LOC400499: variants seen among roughly 807,000 people sequenced by gnomAD.
chr16:11,519,987 G>C, the LOC400499 span, among the ~76,000 whole-genome samples: 655 of 152,266 alleles, frequency 4.3e-3, 3 homozygotes, highest in African/African-American at 0.015. Flanking sequence ...ACAGGCATGA[G>C]CCACCGCGCC....
chr16:11,414,471 C>T, the LOC400499 span: 1 of 400,200 alleles, frequency 2.5e-6, no homozygotes, highest in East Asian at 3.6e-5. Context: ...CTCCACTGTC[C>T]CCACCATGGA....
chr16:11,460,565 A>G, the LOC400499 span: 1 of 1,535,498 alleles, frequency 6.5e-7, no homozygotes, highest in South Asian at 1.2e-5. Context: ...GTCTGCCCGC[A>G]GCTTCTGGCT....
the LOC400499 span, chr16:11,443,328 C>T: frequency 3.8e-6 from 1 of 265,790 alleles, no homozygotes. Context: ...GATCCTCAGT[C>T]TCAAAAAAAA....
the LOC400499 span, among the ~76,000 whole-genome samples, chr16:11,409,260 CA>C: frequency 6.7e-6 from 1 of 149,456 alleles, no homozygotes; most frequent in Non-Finnish European, 1.5e-5. Flanking sequence ...AACTTCATCT[CA>C]AAAAAAGAAA....
the LOC400499 span, chr16:11,471,936 G>C: frequency 5.0e-6 from 2 of 397,662 alleles, no homozygotes; most frequent in South Asian, 1.4e-4. Flanking sequence ...TCTGAGGAAA[G>C]GCACCATGTA....
At chr16:11,459,105 T>C in the LOC400499 span, among the ~76,000 whole-genome samples, 1 of 151,250 alleles carries the variant, frequency 6.6e-6, no homozygotes, top group Non-Finnish European at 1.5e-5. Context: ...GATGTATACT[T>C]AGCCACAATT....
the LOC400499 span, among the ~76,000 whole-genome samples, chr16:11,484,435 CA>C: frequency 6.6e-6 from 1 of 152,114 alleles, no homozygotes; most frequent in Non-Finnish European, 1.5e-5. Flanking sequence ...ACACCTTAAC[CA>C]TGTACTAGTG....
At chr16:11,387,189 G>C in the LOC400499 span, 9 of 1,232,278 alleles carry the variant, frequency 7.3e-6, no homozygotes, top group Non-Finnish European at 9.1e-6. Context: ...AGCTCTCGGA[G>C]CGGCCGCAGC....
chr16:11,374,148 A>T, the LOC400499 span, among the ~76,000 whole-genome samples: 1 of 152,188 alleles, frequency 6.6e-6, no homozygotes, highest in Non-Finnish European at 1.5e-5. Flanking sequence ...ATCTGTGTCT[A>T]ATAAGCCTAC....
chr16:11,505,305 G>A, the LOC400499 span, among the ~76,000 whole-genome samples: 1 of 151,980 alleles, frequency 6.6e-6, no homozygotes, highest in Admixed American at 6.6e-5. Context: ...CCACCACACA[G>A]TTACAATAAA....
chr16:11,393,565 AG>A, the LOC400499 span: 3 of 1,232,298 alleles, frequency 2.4e-6, no homozygotes, highest in South Asian at 4.1e-5. Flanking sequence ...CGAAGCTGGG[AG>A]GGGGAAGGCA....
At chr16:11,382,557 C>T in the LOC400499 span, among the ~76,000 whole-genome samples, 1 of 149,788 alleles carries the variant, frequency 6.7e-6, no homozygotes. Flanking sequence ...CACATTTGGT[C>T]ACAGAAGTCA....
the LOC400499 span, among the ~76,000 whole-genome samples, chr16:11,490,055 A>C: frequency 6.6e-6 from 1 of 152,166 alleles, no homozygotes; most frequent in Non-Finnish European, 1.5e-5. Flanking sequence ...CAGAGTCCAC[A>C]AGAGCTATAG....
chr16:11,392,563 C>G, the LOC400499 span: 6 of 401,134 alleles, frequency 1.5e-5, no homozygotes, highest in South Asian at 6.4e-4. Context: ...ACTCCCCCTC[C>G]ACCGCTTTCC....
the LOC400499 span, chr16:11,478,828 G>A: frequency 2.5e-6 from 1 of 397,406 alleles, no homozygotes; most frequent in Non-Finnish European, 4.4e-6. Context: ...GGAGATGACT[G>A]AATCATGGGG....
the LOC400499 span, chr16:11,460,164 C>T: frequency 1.7e-5 from 17 of 974,886 alleles, no homozygotes; most frequent in African/African-American, 1.2e-4. Context: ...TCAGAAGAGA[C>T]GGTTCTGTAG....
the LOC400499 span, among the ~76,000 whole-genome samples, chr16:11,483,596 T>C: frequency 1.3e-5 from 2 of 151,942 alleles, no homozygotes; most frequent in Non-Finnish European, 2.9e-5. Context: ...GCAAGCGCAG[T>C]GGCTCACACT....
the LOC400499 span, among the ~76,000 whole-genome samples, chr16:11,461,832 C>G: frequency 6.6e-6 from 1 of 152,198 alleles, no homozygotes; most frequent in Non-Finnish European, 1.5e-5. Context: ...CCTGCTCACT[C>G]TGTGTGTGTT....
the LOC400499 span, among the ~76,000 whole-genome samples, chr16:11,518,148 T>C: frequency 3.9e-5 from 6 of 152,286 alleles, no homozygotes; most frequent in Admixed American, 2.0e-4. Context: ...TGGGGGACAA[T>C]AGTCCCCTTG....
Sources: gnomAD v4.1 joint callset for allele counts (sites outside exome capture counted in the v4.1 genomes callset) on GRCh38, gnomAD v4.1.1 for gene constraint, MANE v1.5 for transcripts.